Variants in LPP observed in about 807,000 individuals in gnomAD.
LPP encodes LIM domain containing preferred translocation partner in lipoma, also known as lipoma-preferred partner.
A neutral mutation model predicts 60.4 loss-of-function variants in LPP; 38 were observed. The ratio of observed to expected loss-of-function variants is 0.63; its 90% CI spans 0.49 to 0.83. The LOEUF (loss-of-function observed/expected upper bound fraction) is 0.83. Ranked by LOEUF, LPP falls within the 40% of genes least tolerant of loss-of-function variation. The probability of loss-of-function intolerance (pLI) is 0.00; values close to 1 mark genes in which losing one functional copy is unlikely to be tolerated. For synonymous variants in LPP, 328 were observed against 290.8 expected, an observed-to-expected ratio of 1.13 and a Z score of -1.30; for missense variants, 902 against 783.6, an observed-to-expected ratio of 1.15 and a Z score of -1.80.
chr3:188,299,643 G>T (rs944878675), intron 2 of LPP, among the ~76,000 whole-genome samples: 2 of 152,160 alleles, frequency 1.3e-5, no homozygotes, highest in African/African-American at 4.8e-5. Flanking sequence ...CATCTGGGGT[G>T]GGCTATCTGT....
intron 8 of LPP, among the ~76,000 whole-genome samples, chr3:188,735,114 G>A (rs1029851566): frequency 5.3e-5 from 8 of 151,934 alleles, no homozygotes; most frequent in Admixed American, 1.3e-4. Context: ...TGGTTAAGCC[G>A]GATCTGCCTG....
intron 7 of LPP, among the ~76,000 whole-genome samples, chr3:188,634,965 A>G (rs1416556612): frequency 2.0e-5 from 3 of 152,158 alleles, no homozygotes; most frequent in African/African-American, 7.2e-5. Flanking sequence ...GACCACTGGC[A>G]TCGAGGATAG....
At chr3:188,225,640 A>G (rs1717453674) in intron 2 of LPP, 113 bp downstream of exon 2, 1 of 152,246 alleles carries the variant, frequency 6.6e-6, no homozygotes, top group African/African-American at 2.4e-5. Context: ...AGTAACTAGG[A>G]TGCATTAAGA....
intron 2 of LPP, among the ~76,000 whole-genome samples, chr3:188,314,796 C>A (rs535359727): frequency 3.3e-5 from 5 of 152,028 alleles, no homozygotes; most frequent in African/African-American, 7.3e-5. Flanking sequence ...TCCAGCCTGG[C>A]GACAGAGAGA....
At chr3:188,508,325 G>C (rs1290231623) in intron 5 of LPP, among the ~76,000 whole-genome samples, 1 of 152,190 alleles carries the variant, frequency 6.6e-6, no homozygotes, top group Non-Finnish European at 1.5e-5. Context: ...CTTTGAAGCA[G>C]GTGTGATGTG....
In LPP at chr3:188,887,140, A is replaced by G. The variant is rs931665351; in HGVS notation, c.*12661A>G. On this transcript the variant is annotated 3_prime_UTR_variant, in exon 12 of 12. Transcript: ENST00000617246. The stretch of plus-strand genomic sequence containing the variant: ...CTATCTTGACTCTTTCCTTCATCAC[A>G]AGAGAGTAAATATGAAGTCTGAATG... The G allele has an allele frequency of 1.8e-5, 4 of 227,990 alleles. No individual in the cohort carries two copies. The highest frequency in any genetic ancestry group is 3.5e-5 in the Non-Finnish European group (4 of 114,818). 14.1% of individuals were successfully genotyped at this position (227,990 alleles called of 1,614,324 possible).
chr3:188,757,472 A>C (rs1730653983), intron 8 of LPP, among the ~76,000 whole-genome samples: 1 of 152,160 alleles, frequency 6.6e-6, no homozygotes, highest in South Asian at 2.1e-4. Flanking sequence ...CAGGTATTAC[A>C]CTTCGGGCAT....
chr3:188,273,063 T>C (rs1738353896), intron 2 of LPP, among the ~76,000 whole-genome samples: 1 of 152,246 alleles, frequency 6.6e-6, no homozygotes, highest in African/African-American at 2.4e-5. Context: ...CGTTCAGTGC[T>C]TTTATGCCTG....
At chr3:188,601,817 C>T (rs1309643434) in intron 6 of LPP, among the ~76,000 whole-genome samples, 1 of 151,908 alleles carries the variant, frequency 6.6e-6, no homozygotes, top group East Asian at 1.9e-4. Context: ...GCCTGTAATC[C>T]CAACATTTTG....
intron 1 of LPP, chr3:188,179,038 CAGAG>C (rs10616335): frequency 0.069 from 11,466 of 166,914 alleles, 46 homozygotes; most frequent in South Asian, 0.13. Flanking sequence ...GGGAGAGAGA[CAGAG>C]AGAGAGAGAG....
intron 9 of LPP, among the ~76,000 whole-genome samples, chr3:188,776,234 G>A (rs1401663217): frequency 2.0e-5 from 3 of 152,236 alleles, no homozygotes; most frequent in African/African-American, 7.2e-5. Flanking sequence ...AGTGGGGAGA[G>A]GAGGGGACTG....
chr3:188,844,995 A>C (rs1761051287), intron 9 of LPP, among the ~76,000 whole-genome samples: 1 of 152,246 alleles, frequency 6.6e-6, no homozygotes, highest in Non-Finnish European at 1.5e-5. Context: ...CATCAAAATT[A>C]GTTCCTTCAA....
intron 2 of LPP, among the ~76,000 whole-genome samples, chr3:188,261,870 C>T (rs968242498): frequency 4.6e-5 from 7 of 152,146 alleles, no homozygotes; most frequent in East Asian, 1.9e-4. Flanking sequence ...TGAGCTAGAA[C>T]GGTGCCATTG....
At chr3:188,576,709 G>A (rs1440793495) in intron 6 of LPP, among the ~76,000 whole-genome samples, 1 of 152,112 alleles carries the variant, frequency 6.6e-6, no homozygotes, top group East Asian at 1.9e-4. Flanking sequence ...CATATCGTAG[G>A]CATATTTTGT....
intron 9 of LPP, among the ~76,000 whole-genome samples, chr3:188,833,479 A>G (rs1757597454): frequency 6.6e-6 from 1 of 152,204 alleles, no homozygotes; most frequent in Non-Finnish European, 1.5e-5. Flanking sequence ...GGCGGTGTAT[A>G]CAGCTTGGCT....
rs148151207 is a variant in LPP, at chr3:188,657,258, GTATATATATATA to G, written c.1113+47426_1113+47437del. Reference sequence around the variant, plus strand: ...ATAAGTTTTCAAGAGCTGTCAAGGTGTATATATATATATATATATATATTTCCAAAAGCAGAT... The same window carrying G: ...ATAAGTTTTCAAGAGCTGTCAAGGTGTATATATATATTTCCAAAAGCAGAT... On this transcript the variant is annotated intron_variant, in intron 7 of 11. Transcript: ENST00000617246. Among the ~76,000 whole-genome samples, 9 of 89,840 alleles carry G rather than the reference GTATATATATATA, an allele frequency of 1.0e-4. No homozygotes were observed. In the East Asian group the frequency reaches 2.1e-3, roughly 20 times the overall value. The allele number at this position is 89,840 out of a possible 152,430, so 58.9% of individuals were successfully genotyped here.
chr3:188,298,488 T>G (rs1748664636), intron 2 of LPP, among the ~76,000 whole-genome samples: 1 of 152,148 alleles, frequency 6.6e-6, no homozygotes, highest in African/African-American at 2.4e-5. Context: ...AAGACTCACT[T>G]AGGGAGGTTT....
intron 3 of LPP, among the ~76,000 whole-genome samples, chr3:188,399,735 C>A (rs950301789): frequency 6.6e-6 from 1 of 152,152 alleles, no homozygotes; most frequent in Non-Finnish European, 1.5e-5. Flanking sequence ...TTTTGATAAA[C>A]ACTACTCTAA....
At chr3:188,778,882 A>G (rs767145815) in intron 9 of LPP, among the ~76,000 whole-genome samples, 8 of 152,180 alleles carry the variant, frequency 5.3e-5, no homozygotes, top group Non-Finnish European at 1.0e-4. Flanking sequence ...TTATCCACCA[A>G]ATAACAATAT....
Sources: allele counts gnomAD v4.1 joint callset (sites outside exome capture counted in the v4.1 genomes callset), GRCh38; gene constraint gnomAD v4.1.1; transcripts MANE v1.5; gene names NCBI Gene and HGNC (gene_info 2026-07-23, HGNC 2026-07-21).